The following PARD3B variants were observed in gnomAD, a reference collection of about 807,000 sequenced individuals.
PARD3B encodes par-3 family cell polarity regulator beta, also known as partitioning defective 3 homolog B.
PARD3B carries 103 observed loss-of-function variants against 130.2 expected under a neutral mutation model. The ratio of observed to expected loss-of-function variants is 0.79; its 90% CI spans 0.67 to 0.93. PARD3B has a LOEUF of 0.93. PARD3B is among the 40% of genes least tolerant of loss of function. The pLI is 0.00. For missense variants in PARD3B, 1,609 were observed against 1,499.2 expected (o/e 1.07, Z -1.21); for synonymous variants, 583 against 553.2 (o/e 1.05, Z -0.76).
chr2:205,562,206 T>G lies in PARD3B; in HGVS notation c.3260+8803T>G, dbSNP rs183078920. Among the ~76,000 whole-genome samples, 220 of 152,302 alleles carry G rather than the reference T, an allele frequency of 1.4e-3. 1 individual carries two copies. The highest frequency in any genetic ancestry group is 2.1e-3 in the Non-Finnish European group (141 of 68,030). On this transcript the variant is annotated intron_variant, in intron 22 of 22. Transcript: ENST00000406610. This position sits in a 1 kb window ranked among gnomAD's most constrained non-coding sequence, Gnocchi z 5.4. Reference sequence around the variant, plus strand: ...GATAAAAGTCCATTTTAATCAAACTTTTCATCATTTCCTCGTAGCCAATAT... The same window carrying G: ...GATAAAAGTCCATTTTAATCAAACTGTTCATCATTTCCTCGTAGCCAATAT...
chr2:204,786,768 T>A (rs1319611656), intron 2 of PARD3B, among the ~76,000 whole-genome samples: 1 of 151,512 alleles, frequency 6.6e-6, no homozygotes, highest in African/African-American at 2.4e-5. Flanking sequence ...AGATGGTGTA[T>A]GACATTACCA....
rs191360808 is a variant in PARD3B at position 204,877,630 on chromosome 2, C to T, written c.223-87522C>T. Among the ~76,000 whole-genome samples, 335 of 152,184 alleles carry T rather than the reference C, an allele frequency of 2.2e-3. 1 individual carries two copies. Among genetic ancestry groups the T allele is most frequent in the African/African-American group, 7.8e-3 (322 of 41,538 alleles). The stretch of plus-strand genomic sequence containing the variant: ...CTGTCCCTCTACCAAAGAATTTCAC[C>T]AAAGATGCCAGGATTCACAAAGGCT... On this transcript the variant is annotated intron_variant, in intron 2 of 22. Coordinates refer to ENST00000406610, the MANE Select transcript of PARD3B (RefSeq NM_001302769.2).
At position 204,969,896 on chromosome 2, in the gene PARD3B, G is replaced by C. The variant is rs543069463; in HGVS notation, c.394+4573G>C. Among the ~76,000 whole-genome samples the C allele has an allele frequency of 3.3e-5, 5 of 152,056 alleles. No individual in the cohort carries two copies. The South Asian group carries it at 1.0e-3, about 32-fold the overall frequency. ...ACATTTCAGAAATGAGTTTGCTTCT[G>C]TCTTCTTATCTTCTCATCCCGTGTG... On this transcript the variant is annotated intron_variant, in intron 3 of 22. Coordinates refer to ENST00000406610, the MANE Select transcript of PARD3B (RefSeq NM_001302769.2).
At chr2:205,526,305 C>G (rs1035469614) in intron 21 of PARD3B, among the ~76,000 whole-genome samples, 1 of 152,226 alleles carries the variant, frequency 6.6e-6, no homozygotes, top group African/African-American at 2.4e-5. Flanking sequence ...GTCTGGCCCA[C>G]TCAACTGCTC....
At chr2:205,409,884 C>G (rs2046537658) in intron 19 of PARD3B, among the ~76,000 whole-genome samples, 1 of 151,994 alleles carries the variant, frequency 6.6e-6, no homozygotes, top group Non-Finnish European at 1.5e-5. Flanking sequence ...GAGTATCTGA[C>G]CTGATAAAAA....
chr2:205,000,276 G>T (rs544195184), intron 3 of PARD3B, among the ~76,000 whole-genome samples: 2 of 152,170 alleles, frequency 1.3e-5, no homozygotes, highest in Non-Finnish European at 2.9e-5. Context: ...GTTAAATTAT[G>T]TTTTCAGTGT....
intron 7 of PARD3B, among the ~76,000 whole-genome samples, chr2:205,120,832 C>A (rs1343616466): frequency 1.3e-5 from 2 of 152,116 alleles, no homozygotes; most frequent in African/African-American, 2.4e-5. Context: ...TCCTTTAACG[C>A]CTTCATTTAT....
At chr2:204,722,607 C>T (rs567132291) in intron 2 of PARD3B, among the ~76,000 whole-genome samples, 13 of 152,152 alleles carry the variant, frequency 8.5e-5, no homozygotes, top group Non-Finnish European at 1.5e-4. Flanking sequence ...TTAGGGCTGA[C>T]GTAAACTCTC....
rs1423421503 is a variant in PARD3B at position 205,258,058 on chromosome 2, T to C, written c.2185+12236T>C. Among the ~76,000 whole-genome samples, 1 of 152,178 alleles carries C rather than the reference T, an allele frequency of 6.6e-6. No individual in the cohort carries two copies. The highest frequency in any genetic ancestry group is 2.4e-5 in the African/African-American group (1 of 41,440). ...CAATAAACTCTAACTTGAGTTATAT[T>C]TTCAAATATAGTCCCCCAGCAGGCC... On this transcript the variant is annotated intron_variant, in intron 16 of 22. Transcript: ENST00000406610. This position sits in a 1 kb window ranked among gnomAD's most constrained non-coding sequence, Gnocchi z 4.9.
chr2:205,349,288 G>T (rs182080006), intron 18 of PARD3B, among the ~76,000 whole-genome samples: 7 of 152,022 alleles, frequency 4.6e-5, no homozygotes, highest in Non-Finnish European at 1.0e-4. Flanking sequence ...TGTATCATAG[G>T]TACTACAACT....
intron 15 of PARD3B, among the ~76,000 whole-genome samples, chr2:205,239,443 A>G (rs1470407009): frequency 1.3e-5 from 2 of 152,160 alleles, no homozygotes; most frequent in Non-Finnish European, 2.9e-5. Context: ...GTATCTCCTC[A>G]TTAGACCATG....
At chr2:205,239,948 G>A (rs2039278259) in intron 15 of PARD3B, among the ~76,000 whole-genome samples, 1 of 152,132 alleles carries the variant, frequency 6.6e-6, no homozygotes, top group Non-Finnish European at 1.5e-5. Flanking sequence ...GTGTGTGGGT[G>A]TGGGTGTGTG....
At chr2:205,475,051 G>T (rs1160574953) in intron 20 of PARD3B, among the ~76,000 whole-genome samples, 1 of 152,050 alleles carries the variant, frequency 6.6e-6, no homozygotes, top group Non-Finnish European at 1.5e-5. Flanking sequence ...AGACGTATTT[G>T]GATGCAGGCT....
At chr2:204,783,272 A>C (rs1364475121) in intron 2 of PARD3B, among the ~76,000 whole-genome samples, 1 of 152,070 alleles carries the variant, frequency 6.6e-6, no homozygotes, top group African/African-American at 2.4e-5. Context: ...ATTAGTCAGG[A>C]ATAGTTGTTG....
chr2:204,613,773 T>C (rs1399668411), intron 1 of PARD3B, among the ~76,000 whole-genome samples: 1 of 152,122 alleles, frequency 6.6e-6, no homozygotes, highest in Non-Finnish European at 1.5e-5. Flanking sequence ...GGTGCAATAT[T>C]TGTTCATTTC....
chr2:205,000,991 T>A (rs915476605), intron 3 of PARD3B, among the ~76,000 whole-genome samples: 2 of 152,152 alleles, frequency 1.3e-5, no homozygotes, highest in African/African-American at 2.4e-5. Flanking sequence ...TTTTGTTTGT[T>A]TGTTTGTTTG....
At chr2:205,012,683 G>A (rs1228257381) in intron 3 of PARD3B, among the ~76,000 whole-genome samples, 1 of 152,220 alleles carries the variant, frequency 6.6e-6, no homozygotes. Flanking sequence ...CCGCATTAAA[G>A]AGATAGTGTT....
intron 2 of PARD3B, among the ~76,000 whole-genome samples, chr2:204,778,697 T>C (rs1480473260): frequency 1.3e-5 from 2 of 152,094 alleles, no homozygotes; most frequent in African/African-American, 2.4e-5. Context: ...TTATAAAATA[T>C]ATAGTGAATC....
intron 15 of PARD3B, among the ~76,000 whole-genome samples, chr2:205,198,303 G>A (rs2036803137): frequency 6.6e-6 from 1 of 152,182 alleles, no homozygotes; most frequent in Non-Finnish European, 1.5e-5. Flanking sequence ...GAGGAAATGA[G>A]CTTAAAGTGA....
Sources: allele counts gnomAD v4.1 joint callset (sites outside exome capture counted in the v4.1 genomes callset), GRCh38; gene constraint gnomAD v4.1.1; non-coding constraint Gnocchi (gnomAD v3.1); transcripts MANE v1.5; gene names NCBI Gene and HGNC (gene_info 2026-07-23, HGNC 2026-07-21).